Variants in NALF1 observed in about 807,000 individuals in gnomAD.
NALF1 encodes the protein family with sequence similarity 155 member A.
A neutral mutation model predicts 48.4 loss-of-function variants in NALF1; 3 were observed. That is an observed-to-expected ratio of 0.06 (90% CI 0.03 to 0.16). The LOEUF is 0.16. NALF1 is among the 10% of genes least tolerant of loss of function. The pLI is 1.00. For synonymous variants in NALF1, 262 were observed against 245.7 expected (o/e 1.07, Z -0.62); for missense variants, 526 against 571.5 (o/e 0.92, Z 0.81).
intron 1 of NALF1, among the ~76,000 whole-genome samples, chr13:107,556,469 ATC>A (rs1286618902): frequency 1.3e-5 from 2 of 151,810 alleles, no homozygotes; most frequent in African/African-American, 2.4e-5. Context: ...TGAATTCATT[ATC>A]TGTTTATTTT....
At chr13:107,290,190 A>AC (rs1881587791) in intron 1 of NALF1, among the ~76,000 whole-genome samples, 1 of 151,830 alleles carries the variant, frequency 6.6e-6, no homozygotes, top group Non-Finnish European at 1.5e-5. Flanking sequence ...AAAAAAACAA[A>AC]AAAAAAAACC....
At chr13:107,681,424 T>C (rs1881300073) in intron 1 of NALF1, among the ~76,000 whole-genome samples, 1 of 152,058 alleles carries the variant, frequency 6.6e-6, no homozygotes, top group Admixed American at 6.5e-5. Context: ...ATTCACCCCC[T>C]GTCGCTCCCT....
intron 1 of NALF1, among the ~76,000 whole-genome samples, chr13:107,513,412 C>T (rs745877878): frequency 1.3e-5 from 2 of 152,126 alleles, no homozygotes; most frequent in Non-Finnish European, 2.9e-5. Context: ...ATTCCAAGTA[C>T]TCAGCAAGTC....
At chr13:107,848,899 C>G (rs994904882) in intron 1 of NALF1, among the ~76,000 whole-genome samples, 1 of 152,148 alleles carries the variant, frequency 6.6e-6, no homozygotes, top group African/African-American at 2.4e-5. Context: ...GTCAAATACA[C>G]GAGGCCACAT....
chr13:107,580,759 T>C (rs1878283061), intron 1 of NALF1, among the ~76,000 whole-genome samples: 1 of 152,220 alleles, frequency 6.6e-6, no homozygotes, highest in Non-Finnish European at 1.5e-5. Context: ...TCATGTTTAA[T>C]GCACAGATTG....
intron 1 of NALF1, among the ~76,000 whole-genome samples, chr13:107,261,823 A>G: frequency 6.6e-6 from 1 of 152,192 alleles, no homozygotes; most frequent in Admixed American, 6.5e-5. Context: ...TAATTTCATT[A>G]TCAAACTAAT....
chr13:107,309,565 G>A (rs537866573), intron 1 of NALF1, among the ~76,000 whole-genome samples: 3 of 152,272 alleles, frequency 2.0e-5, no homozygotes, highest in South Asian at 2.1e-4. Context: ...AGGTCTACAC[G>A]AAGGTTCACG....
intron 1 of NALF1, among the ~76,000 whole-genome samples, chr13:107,495,832 T>C (rs1282944740): frequency 6.6e-6 from 1 of 152,152 alleles, no homozygotes; most frequent in African/African-American, 2.4e-5. Flanking sequence ...AATCTGATGT[T>C]CATTGAGGAT....
At chr13:107,622,772 G>A (rs753776007) in intron 1 of NALF1, among the ~76,000 whole-genome samples, 5 of 151,756 alleles carry the variant, frequency 3.3e-5, no homozygotes, top group Non-Finnish European at 5.9e-5. Flanking sequence ...TATTTATTTC[G>A]CTTTCTGTAG....
At chr13:107,630,333 A>G (rs962219828) in intron 1 of NALF1, among the ~76,000 whole-genome samples, 8 of 152,108 alleles carry the variant, frequency 5.3e-5, no homozygotes, top group Middle Eastern at 3.4e-3. Context: ...TCAAAACACC[A>G]TGGGGTCTGT....
chr13:107,734,650 AC>A, intron 1 of NALF1, among the ~76,000 whole-genome samples: 1 of 152,210 alleles, frequency 6.6e-6, no homozygotes, highest in East Asian at 1.9e-4. Context: ...TAGATGGGTG[AC>A]TTGATTAAGA....
At chr13:107,409,916 T>G (rs1209177685) in intron 1 of NALF1, among the ~76,000 whole-genome samples, 4 of 152,178 alleles carry the variant, frequency 2.6e-5, no homozygotes, top group African/African-American at 4.8e-5. Flanking sequence ...GCTGCATAGT[T>G]CAGGGCAAAC....
intron 1 of NALF1, among the ~76,000 whole-genome samples, chr13:107,668,303 G>C (rs1353653905): frequency 2.0e-5 from 3 of 151,986 alleles, no homozygotes; most frequent in Non-Finnish European, 2.9e-5. Flanking sequence ...CACTTCTGAG[G>C]TTTGGAAAGT....
intron 1 of NALF1, among the ~76,000 whole-genome samples, chr13:107,792,198 T>C (rs1024035859): frequency 6.6e-6 from 1 of 152,180 alleles, no homozygotes. Flanking sequence ...AGTACACTAC[T>C]AATCCTATTT....
At chr13:107,230,455 T>C (rs771535612) in intron 1 of NALF1, among the ~76,000 whole-genome samples, 15 of 152,106 alleles carry the variant, frequency 9.9e-5, no homozygotes, top group Admixed American at 3.3e-4. Flanking sequence ...AAAGCCTATA[T>C]TGATTGTGAA....
intron 1 of NALF1, among the ~76,000 whole-genome samples, chr13:107,657,938 T>A (rs898680921): frequency 1.4e-4 from 21 of 152,188 alleles, no homozygotes; most frequent in African/African-American, 5.1e-4. Flanking sequence ...TCTGTTTTTG[T>A]TGAACTAAAA....
chr13:107,511,789 T>C (rs1875898862), intron 1 of NALF1, among the ~76,000 whole-genome samples: 1 of 152,204 alleles, frequency 6.6e-6, no homozygotes, highest in Non-Finnish European at 1.5e-5. Flanking sequence ...TAAAATTAAC[T>C]ACAATCATAT....
At chr13:107,601,069 A>G (rs1271540436) in intron 1 of NALF1, among the ~76,000 whole-genome samples, 1 of 152,184 alleles carries the variant, frequency 6.6e-6, no homozygotes, top group African/African-American at 2.4e-5. Flanking sequence ...TAAGAAAAAT[A>G]TAGAGCCCTG....
intron 1 of NALF1, among the ~76,000 whole-genome samples, chr13:107,300,232 G>C (rs1260269723): frequency 6.6e-6 from 1 of 152,184 alleles, no homozygotes; most frequent in African/African-American, 2.4e-5. Flanking sequence ...AATATCCAAA[G>C]TTCCTGTTCT....
Sources: gnomAD v4.1 joint callset for allele counts (sites outside exome capture counted in the v4.1 genomes callset) on GRCh38, gnomAD v4.1.1 for gene constraint, MANE v1.5 for transcripts, NCBI Gene and HGNC (gene_info 2026-07-23, HGNC 2026-07-21) for gene names.